BAD: variants seen among roughly 807,000 people sequenced by gnomAD.
The protein encoded by BAD is BCL2 associated agonist of cell death, also known as bcl2-associated agonist of cell death.
Under a neutral mutation model 17.8 loss-of-function variants are expected in BAD, and 18 were observed. That is an observed-to-expected ratio of 1.01 (90% CI 0.70 to 1.50). The LOEUF is 1.50. Ranked by LOEUF, BAD falls within the 40% of genes most tolerant of loss-of-function variation. The pLI is 0.00. For synonymous variants in BAD, 112 were observed against 91.5 expected (o/e 1.22, Z -1.28); for missense variants, 294 against 239.3 (o/e 1.23, Z -1.51).
At chr11:64,271,481 G>T in intron 3 of BAD, 132 bp downstream of exon 3, 1 of 948,568 alleles carries the variant, frequency 1.1e-6, no homozygotes, top group Admixed American at 3.8e-5. Flanking sequence ...CTGGAGCTAG[G>T]AAGGAACAGG....
intron 2 of BAD, among the ~76,000 whole-genome samples, chr11:64,281,824 G>A (rs1459800303): frequency 6.6e-6 from 1 of 152,160 alleles, no homozygotes; most frequent in African/African-American, 2.4e-5. Context: ...GGGTTCAAGC[G>A]ATTCTCCTGC....
chr11:64,271,526 CG>C, intron 3 of BAD, 86 bp downstream of exon 3: 1 of 1,298,240 alleles, frequency 7.7e-7, no homozygotes, highest in Non-Finnish European at 9.9e-7. Context: ...ACTCCAGATC[CG>C]GGCGTGCCTT....
At chr11:64,271,411 CG>C (rs1047515210) in intron 3 of BAD, among the ~76,000 whole-genome samples, 1 of 146,712 alleles carries the variant, frequency 6.8e-6, no homozygotes, top group East Asian at 2.1e-4. Context: ...ACACACCAGG[CG>C]GGGGAAGAGC....
chr11:64,270,679 C>CA, intron 3 of BAD: 1 of 550,432 alleles, frequency 1.8e-6, no homozygotes, highest in East Asian at 4.4e-5. Flanking sequence ...CCTGTAATCC[C>CA]AGCACTTTGG....
rs1383701720 is a variant in BAD, at chr11:64,279,759, T to C, written c.187+4423A>G. Reference sequence around the variant, plus strand: ...GCCTGGGTGACAGAGTAAGACTCTATCTCAAAAAAAAAAAAAAAAAAAAAA... The same window carrying C: ...GCCTGGGTGACAGAGTAAGACTCTACCTCAAAAAAAAAAAAAAAAAAAAAA... On this transcript the variant is annotated intron_variant, in intron 2 of 3. Transcript: ENST00000309032. Among the ~76,000 whole-genome samples the C allele has an allele frequency of 1.4e-3, 81 of 58,662 alleles. No homozygotes were observed. The East Asian group carries it at 0.019, about 14-fold the overall frequency. The allele number at this position is 58,662 out of a possible 152,430, so 38.5% of individuals were successfully genotyped here.
At chr11:64,274,789 C>T (rs1193917819) in intron 2 of BAD, among the ~76,000 whole-genome samples, 1 of 151,810 alleles carries the variant, frequency 6.6e-6, no homozygotes, top group Non-Finnish European at 1.5e-5. Flanking sequence ...CCACTGCACT[C>T]CAGCCTGGGT....
intron 2 of BAD, among the ~76,000 whole-genome samples, chr11:64,278,686 G>T (rs2033228625): frequency 6.6e-6 from 1 of 152,132 alleles, no homozygotes; most frequent in Admixed American, 6.5e-5. Flanking sequence ...GCTTCTTTCT[G>T]CCTCTCCACT....
In BAD at chr11:64,270,354, A is replaced by T. The variant is rs1218752432; in HGVS notation, c.379-17T>A. 6.5e-7 allele frequency: 1 copy of T among 1,536,070 alleles called. No homozygotes were observed. Among genetic ancestry groups the T allele is most frequent in the East Asian group, 2.3e-5 (1 of 43,998 alleles). On this transcript the variant is annotated splice_polypyrimidine_tract_variant and intron_variant, in intron 3 of 3. Transcript: ENST00000309032. Reference sequence around the variant, plus strand: ...AAGTCCCTTCTGGTGGAGGGAGAAAAGGGTTACATGAGTTAGATTACCATG... The same window carrying T: ...AAGTCCCTTCTGGTGGAGGGAGAAATGGGTTACATGAGTTAGATTACCATG...
Position 64,284,208 on chromosome 11 carries a change from T to C in BAD, c.161A>G (p.Gln54Arg). ...LLWDASHQQEQPTSSSHHGGA... is the reference protein window; with the variant it reads ...LLWDASHQQERPTSSSHHGGA... ...TCCATGATGGCTGCTGCTGGTTGGCTGCTCCTGCTGGTGACTGGCGTCCCA... is the reference window on the plus strand; with the variant it reads ...TCCATGATGGCTGCTGCTGGTTGGCCGCTCCTGCTGGTGACTGGCGTCCCA... Residue 54 changes from glutamine (Q) to arginine (R), a missense_variant, in exon 2 of 4, where the codon CAG becomes CGG. By Grantham distance (43) the Gln-to-Arg change is conservative. Transcript: ENST00000309032. 6.2e-7 allele frequency: 1 copy of C among 1,602,634 alleles called. No homozygotes were observed. Among genetic ancestry groups the C allele is most frequent in the Non-Finnish European group, 8.5e-7 (1 of 1,174,270 alleles).
At position 64,271,713 on chromosome 11, in the gene BAD, A is replaced by G; in HGVS notation, c.278T>C (p.Phe93Ser). ...GGGCGCCGAGCGCGAGCGGCCCCGA[A>G]AGGGGCTGGGCTCCTCCCCCATCCC... ...DEGMGEEPSP[F>S]RGRSRSAPPN... Residue 93 changes from phenylalanine to serine, a missense_variant, in exon 3 of 4, where the codon TTT (phenylalanine) becomes TCT (serine). Coordinates refer to ENST00000309032, the MANE Select transcript of BAD (RefSeq NM_032989.3). 1 of 1,473,762 alleles carries G rather than the reference A, an allele frequency of 6.8e-7. No homozygotes were observed. Among genetic ancestry groups the G allele is most frequent in the Non-Finnish European group, 9.0e-7 (1 of 1,114,196 alleles). 91.3% of individuals were successfully genotyped at this position (1,473,762 alleles called of 1,614,324 possible).
At chr11:64,270,492 T>C in intron 3 of BAD, 155 bp from the exon 4 acceptor site, 1 of 1,030,550 alleles carries the variant, frequency 9.7e-7, no homozygotes, top group South Asian at 1.6e-5. Flanking sequence ...TCAGGGACGC[T>C]CGCGAGGACG....
chr11:64,273,320 C>A (rs1416631315), intron 2 of BAD, among the ~76,000 whole-genome samples: 1 of 152,138 alleles, frequency 6.6e-6, no homozygotes, highest in Non-Finnish European at 1.5e-5. Context: ...TTGCAGTGAG[C>A]CGAGATTGTG....
In BAD at chr11:64,271,606, C is replaced by T. The variant is rs1350505446; in HGVS notation, c.378+7G>A. On this transcript the variant is annotated splice_region_variant and intron_variant, in intron 3 of 3. Coordinates refer to ENST00000309032, the MANE Select transcript of BAD (RefSeq NM_032989.3). ...CAGGTCCTGGCACGCTGGGGACTGG[C>T]GCTCACCTTAAAGGAGTCCACAAAC... is the stretch of plus-strand genomic sequence containing the variant. The T allele has an allele frequency of 7.0e-6, 10 of 1,435,678 alleles. No individual in the cohort carries two copies. Among genetic ancestry groups the T allele is most frequent in the Non-Finnish European group, 8.2e-6 (9 of 1,091,442 alleles). The allele number at this position is 1,435,678 out of a possible 1,614,324, so 88.9% of individuals were successfully genotyped here.
At chr11:64,278,404 A>G (rs1220158683) in intron 2 of BAD, among the ~76,000 whole-genome samples, 1 of 148,782 alleles carries the variant, frequency 6.7e-6, no homozygotes, top group Non-Finnish European at 1.5e-5. Flanking sequence ...ATAAATATAT[A>G]TATACATAAA....
intron 2 of BAD, among the ~76,000 whole-genome samples, chr11:64,282,218 C>A (rs1449954658): frequency 6.6e-6 from 1 of 152,094 alleles, no homozygotes; most frequent in Non-Finnish European, 1.5e-5. Flanking sequence ...CACTGTGTGG[C>A]GCGAGTGAAT....
chr11:64,279,196 C>A (rs1463258319), intron 2 of BAD, among the ~76,000 whole-genome samples: 2 of 152,168 alleles, frequency 1.3e-5, no homozygotes, highest in East Asian at 3.9e-4. Flanking sequence ...GCCTTGTCAC[C>A]ATCAAATAAC....
chr11:64,274,156 G>C (rs1415562517), intron 2 of BAD, among the ~76,000 whole-genome samples: 3 of 152,214 alleles, frequency 2.0e-5, no homozygotes, highest in Non-Finnish European at 4.4e-5. Context: ...ACTTTGGGAG[G>C]CCGAGGCAGG....
Position 64,284,248 on chromosome 11 carries a change from C to A in BAD, c.121G>T (p.Ala41Ser), listed in dbSNP as rs367948500. The change falls in exon 2 of 4, where the codon GCC (alanine) becomes TCC (serine). Residue 41 changes from alanine to serine, a missense_variant. Coordinates refer to ENST00000309032, the MANE Select transcript of BAD (RefSeq NM_032989.3). Reference sequence around the variant, plus strand: ...CTGGCGTCCCACAGGAGGCCTGGGGCCTGGCGATGATGCTTGCCGGAGCCT... The same window carrying A: ...CTGGCGTCCCACAGGAGGCCTGGGGACTGGCGATGATGCTTGCCGGAGCCT... ...PSGSGKHHRQ[A>S]PGLLWDASHQ... 1 of 1,610,862 alleles carries A rather than the reference C, an allele frequency of 6.2e-7. No homozygotes were observed. Among genetic ancestry groups the A allele is most frequent in the Admixed American group, 1.7e-5 (1 of 59,924 alleles).
Position 64,269,950 on chromosome 11 carries a change from T to C in BAD, c.*259A>G. 1 of 733,416 alleles carries C rather than the reference T, an allele frequency of 1.4e-6. No individual in the cohort carries two copies. The highest frequency in any genetic ancestry group is 1.7e-5 in the African/African-American group (1 of 57,222). The allele number at this position is 733,416 out of a possible 1,614,324, so 45.4% of individuals were successfully genotyped here. ...TGGCTCGCGACTTAGCGCAGGCGCC[T>C]GGGGGAAAGCCCGGAGCCTGAGGGC... is the stretch of plus-strand genomic sequence containing the variant. On this transcript the variant is annotated 3_prime_UTR_variant, in exon 4 of 4. Coordinates refer to ENST00000309032, the MANE Select transcript of BAD (RefSeq NM_032989.3).
Sources: gnomAD v4.1 joint callset for allele counts (sites outside exome capture counted in the v4.1 genomes callset) on GRCh38, gnomAD v4.1.1 for gene constraint, MANE v1.5 for transcripts, NCBI Gene and HGNC (gene_info 2026-07-23, HGNC 2026-07-21) for gene names.